SIDT1: variants seen among roughly 807,000 people sequenced by gnomAD.
SIDT1 encodes SID1 transmembrane family, member 1.
SIDT1 carries 101 observed loss-of-function variants against 107.5 expected under a neutral mutation model. That is an observed-to-expected ratio of 0.94 (90% CI 0.80 to 1.11). SIDT1 has a LOEUF of 1.11. Among genes scored for constraint, SIDT1 ranks in the 50% least tolerant of loss-of-function variants. SIDT1 has a pLI of 0.00. For synonymous variants in SIDT1, 395 were observed against 398.2 expected (o/e 0.99, Z 0.10); for missense variants, 1,076 against 1,058.2 (o/e 1.02, Z -0.23).
At position 113,614,289 on chromosome 3, in the gene SIDT1, T is replaced by C. The variant is rs151139916; in HGVS notation, c.1967-1811T>C. Among the ~76,000 whole-genome samples the C allele has an allele frequency of 3.9e-5, 6 of 152,304 alleles. No individual in the cohort carries two copies. In the East Asian group the frequency reaches 7.7e-4, roughly 20 times the overall value. ...AGGAAAGTCAGGGAATCCACTGATA[T>C]CATCCACACAGGCCCGCCTCCCCAG... On this transcript the variant is annotated intron_variant, in intron 19 of 24. Transcript: ENST00000264852.
intron 19 of SIDT1, among the ~76,000 whole-genome samples, chr3:113,614,743 C>T (rs1945986363): frequency 6.6e-6 from 1 of 152,142 alleles, no homozygotes; most frequent in African/African-American, 2.4e-5. Flanking sequence ...TCCCCCAGTC[C>T]CAGAGCTCTG....
rs1426508666 is a variant in SIDT1, at chr3:113,629,307, C to T, written c.*1599C>T. The T allele has an allele frequency of 2.0e-5, 3 of 152,160 alleles. No homozygotes were observed. Among genetic ancestry groups the T allele is most frequent in the Non-Finnish European group, 4.4e-5 (3 of 68,022 alleles). 9.4% of individuals were successfully genotyped at this position (152,160 alleles called of 1,614,324 possible). A position where few individuals can be genotyped will look rare whatever the true frequency, so the allele number is the denominator to read the frequency against. ...ACTTAGCCTTCTGTTATTCCTTATTCTTTAAGCAGTGTTGGCTTCCATTGA... is the reference window on the plus strand; with the variant it reads ...ACTTAGCCTTCTGTTATTCCTTATTTTTTAAGCAGTGTTGGCTTCCATTGA... On this transcript the variant is annotated 3_prime_UTR_variant, in exon 25 of 25. Coordinates refer to ENST00000264852, the MANE Select transcript of SIDT1 (RefSeq NM_017699.3).
intron 1 of SIDT1, among the ~76,000 whole-genome samples, chr3:113,543,075 G>T (rs1939128392): frequency 6.6e-6 from 1 of 151,940 alleles, no homozygotes; most frequent in African/African-American, 2.4e-5. Flanking sequence ...CAAATAGCTG[G>T]AACTACAGGC....
intron 1 of SIDT1, among the ~76,000 whole-genome samples, chr3:113,535,044 G>A (rs1259144900): frequency 2.6e-5 from 4 of 152,192 alleles, no homozygotes; most frequent in Admixed American, 2.6e-4. Flanking sequence ...GGACAAAGTG[G>A]GAGGATTGCT....
At position 113,566,620 on chromosome 3, in the gene SIDT1, A is replaced by G. The variant is rs1050759749; in HGVS notation, c.344+79A>G. On this transcript the variant is annotated intron_variant, in intron 2 of 24. Transcript: ENST00000264852. ...CTAGAACTTAATTGGTCTTTTCCCT[A>G]TTGAAAGGAAAAATCAGACATTTGG... The G allele has an allele frequency of 6.8e-6, 10 of 1,481,178 alleles. No individual in the cohort carries two copies. In the Admixed American group the frequency reaches 1.9e-4, roughly 27 times the overall value. 91.8% of individuals were successfully genotyped at this position (1,481,178 alleles called of 1,614,324 possible). A position where few individuals can be genotyped will look rare whatever the true frequency, so the allele number is the denominator to read the frequency against.
chr3:113,590,478 C>T (rs547284639), intron 9 of SIDT1, among the ~76,000 whole-genome samples: 90 of 152,298 alleles, frequency 5.9e-4, no homozygotes, highest in African/African-American at 2.0e-3. Flanking sequence ...TATTGAGATA[C>T]AATTCATAGA....
chr3:113,627,863 G>GATGAAGCCATGAGT lies in SIDT1; in HGVS notation c.*157_*158insGAAGCCATGAGTAT. ...CACAGGAAGGAGAGGGGCTGCGGGA[G>GATGAAGCCATGAGT]ATTTAAACCTGCAAGAAAGGAGGCA... On this transcript the variant is annotated 3_prime_UTR_variant, in exon 25 of 25. Transcript: ENST00000264852. The GATGAAGCCATGAGT allele has an allele frequency of 1.5e-6, 1 of 661,490 alleles. No homozygotes were observed. 41.0% of individuals were successfully genotyped at this position (661,490 alleles called of 1,614,324 possible).
At chr3:113,584,867 TA>T (rs1219221238) in intron 8 of SIDT1, 98 bp downstream of exon 8, 8 of 883,244 alleles carry the variant, frequency 9.1e-6, no homozygotes, top group African/African-American at 1.7e-5. Context: ...AGAATTGTCA[TA>T]AGAAAACTAA....
At chr3:113,535,254 A>G (rs1320452318) in intron 1 of SIDT1, among the ~76,000 whole-genome samples, 1 of 151,902 alleles carries the variant, frequency 6.6e-6, no homozygotes, top group Non-Finnish European at 1.5e-5. Context: ...CACTGGGGAC[A>G]GAGTGATACC....
chr3:113,540,316 T>C (rs1938668184), intron 1 of SIDT1, among the ~76,000 whole-genome samples: 2 of 152,164 alleles, frequency 1.3e-5, no homozygotes, highest in African/African-American at 2.4e-5. Flanking sequence ...ACCTTCAACA[T>C]TGGGGATCAA....
chr3:113,577,461 A>G (rs545802680), intron 4 of SIDT1, among the ~76,000 whole-genome samples: 4 of 152,318 alleles, frequency 2.6e-5, no homozygotes, highest in African/African-American at 9.6e-5. Flanking sequence ...TAAGTGTAGT[A>G]AATTAGTTTC....
Position 113,585,121 on chromosome 3 carries a change from T to C in SIDT1, c.908-56T>C, listed in dbSNP as rs1943646737. The C allele has an allele frequency of 8.2e-6, 10 of 1,221,380 alleles. No individual in the cohort carries two copies. In the East Asian group the frequency reaches 2.1e-4, roughly 26 times the overall value. 75.7% of individuals were successfully genotyped at this position (1,221,380 alleles called of 1,614,324 possible). A position where few individuals can be genotyped will look rare whatever the true frequency, so the allele number is the denominator to read the frequency against. On this transcript the variant is annotated intron_variant, in intron 8 of 24. Transcript: ENST00000264852. The stretch of plus-strand genomic sequence containing the variant: ...GCCCTTTAAGCCGTCCTGTCTCAGA[T>C]GGAGTCTTCTTTTCTGCAGAGGATG...
At chr3:113,544,667 G>A (rs953417818) in intron 1 of SIDT1, among the ~76,000 whole-genome samples, 1 of 152,026 alleles carries the variant, frequency 6.6e-6, no homozygotes, top group African/African-American at 2.4e-5. Context: ...GACATAACAC[G>A]CAGAACTGGC....
rs757111264 is a variant in SIDT1, at chr3:113,608,508, CT to C, written c.1693del (p.Cys565AlafsTer16). ...EGVLSACYHV[C>X]PNYSNFQFDT... ...GGGTGCTCAGTGCTTGCTACCATGT[CT>C]GCCCTAATTATTCCAACTTCCAATT... is the stretch of plus-strand genomic sequence containing the variant. On this transcript the variant is annotated frameshift_variant, in exon 17 of 25. Coordinates refer to ENST00000264852, the MANE Select transcript of SIDT1 (RefSeq NM_017699.3). LOFTEE classifies it high-confidence loss of function. The C allele has an allele frequency of 6.2e-7, 1 of 1,612,944 alleles. No individual in the cohort carries two copies. The highest frequency in any genetic ancestry group is 8.5e-7 in the Non-Finnish European group (1 of 1,178,870).
chr3:113,532,943 C>T lies in SIDT1; in HGVS notation c.-79C>T, dbSNP rs566265047. 1.9e-4 allele frequency: 199 copies of T among 1,031,204 alleles called. 4 individuals are homozygous for T. In the African/African-American group the frequency reaches 3.1e-3, roughly 16 times the overall value. 63.9% of individuals were successfully genotyped at this position (1,031,204 alleles called of 1,614,324 possible). A position where few individuals can be genotyped will look rare whatever the true frequency, so the allele number is the denominator to read the frequency against. On this transcript the variant is annotated 5_prime_UTR_variant, in exon 1 of 25. Coordinates refer to ENST00000264852, the MANE Select transcript of SIDT1 (RefSeq NM_017699.3). ...CTGAAGCGGACGCCTGGCCCTGCAC[C>T]GGGCTTTGGAAGGACCCTCTCTGCG...
At chr3:113,566,839 G>T (rs17325024) in intron 2 of SIDT1, among the ~76,000 whole-genome samples, 4,114 of 152,206 alleles carry the variant, frequency 0.027, 92 homozygotes, top group East Asian at 0.09. Flanking sequence ...CCTCCAATGG[G>T]CTATGTCTAG....
Position 113,608,177 on chromosome 3 carries a change from T to C in SIDT1, c.1562T>C (p.Leu521Pro). The part of the protein sequence containing the change: ...FLLIVLRRDI[L>P]HRRALEAKDI... The stretch of plus-strand genomic sequence containing the variant: ...CTGATAGTCTTGCGCCGCGACATCC[T>C]CCATCGGAGAGCCCTGGAAGCCAAG... Residue 521 changes from leucine (L) to proline (P), a missense_variant, in exon 16 of 25, where the codon CTC (leucine) becomes CCC (proline). Physicochemically the swap from Leu to Pro is moderately conservative, Grantham distance 98. Transcript: ENST00000264852. 6.2e-7 allele frequency: 1 copy of C among 1,610,258 alleles called. No individual in the cohort carries two copies. Among genetic ancestry groups the C allele is most frequent in the Non-Finnish European group, 8.5e-7 (1 of 1,178,334 alleles).
At chr3:113,626,657 A>G (rs1359120243) in intron 24 of SIDT1, among the ~76,000 whole-genome samples, 1 of 152,198 alleles carries the variant, frequency 6.6e-6, no homozygotes, top group Non-Finnish European at 1.5e-5. Context: ...GGCTTGGGGT[A>G]GCAGCCACGT....
At chr3:113,618,410 C>T (rs1415795170) in intron 20 of SIDT1, among the ~76,000 whole-genome samples, 7 of 152,118 alleles carry the variant, frequency 4.6e-5, no homozygotes, top group African/African-American at 7.2e-5. Context: ...TTTGTGTGGA[C>T]GTAAGTTTTC....
Sources: allele counts gnomAD v4.1 joint callset (sites outside exome capture counted in the v4.1 genomes callset), GRCh38; gene constraint gnomAD v4.1.1; transcripts MANE v1.5; gene names NCBI Gene and HGNC (gene_info 2026-07-23, HGNC 2026-07-21).